BMPR2: variants seen among roughly 807,000 people sequenced by gnomAD.
The protein encoded by BMPR2 is bone morphogenetic protein receptor type 2.
Under a neutral mutation model 100.8 loss-of-function variants are expected in BMPR2, and 29 were observed. The ratio of observed to expected loss-of-function variants is 0.29; its 90% CI spans 0.21 to 0.39. The LOEUF (loss-of-function observed/expected upper bound fraction) is 0.39, where lower values mean the gene tolerates loss of function less well. BMPR2 is among the 10% of genes least tolerant of loss of function. BMPR2 has a pLI of 1.00. For missense variants in BMPR2, 1,011 were observed against 1,274.5 expected (o/e 0.79, Z 3.15); for synonymous variants, 382 against 442.3 (o/e 0.86, Z 1.71).
intron 1 of BMPR2, among the ~76,000 whole-genome samples, chr2:202,459,408 G>T (rs1316593307): frequency 6.6e-6 from 1 of 152,136 alleles, no homozygotes; most frequent in Non-Finnish European, 1.5e-5. Context: ...TGTCATGGGG[G>T]TTTGTTGTAC....
chr2:202,381,934 T>G (rs932583421), intron 1 of BMPR2, among the ~76,000 whole-genome samples: 2 of 152,110 alleles, frequency 1.3e-5, no homozygotes, highest in African/African-American at 4.8e-5. Flanking sequence ...ATGGGTAAAT[T>G]CTAACCATTA....
chr2:202,534,688 A>C (rs1223755203), intron 9 of BMPR2, among the ~76,000 whole-genome samples: 2 of 152,100 alleles, frequency 1.3e-5, no homozygotes, highest in Non-Finnish European at 2.9e-5. Context: ...CAACCATCTG[A>C]TTTCTCAATC....
chr2:202,554,394 T>G (rs1217027692), intron 11 of BMPR2, among the ~76,000 whole-genome samples: 1 of 152,190 alleles, frequency 6.6e-6, no homozygotes, highest in Non-Finnish European at 1.5e-5. Flanking sequence ...ATGCATCTTC[T>G]CATCTCCAGT....
chr2:202,559,656 G>A, intron 12 of BMPR2, 40 bp from the exon 13 acceptor site: 1 of 1,608,070 alleles, frequency 6.2e-7, no homozygotes, highest in African/African-American at 1.3e-5. Context: ...TATTTCTTAA[G>A]TTTGTTAAAT....
intron 1 of BMPR2, among the ~76,000 whole-genome samples, chr2:202,412,326 A>T (rs1691030088): frequency 6.6e-6 from 1 of 152,098 alleles, no homozygotes; most frequent in Non-Finnish European, 1.5e-5. Flanking sequence ...CTTTTGGCAG[A>T]TTCATTCTTT....
intron 12 of BMPR2, among the ~76,000 whole-genome samples, chr2:202,557,957 A>T (rs921967227): frequency 6.6e-6 from 1 of 152,172 alleles, no homozygotes; most frequent in Non-Finnish European, 1.5e-5. Context: ...TTATGTCTGC[A>T]TTTAGGTTTT....
intron 1 of BMPR2, among the ~76,000 whole-genome samples, chr2:202,459,917 A>C (rs759574291): frequency 5.3e-5 from 8 of 152,226 alleles, no homozygotes; most frequent in Admixed American, 4.6e-4. Flanking sequence ...ACAAATTTAC[A>C]AGAAGAAAGC....
chr2:202,522,618 C>T (rs1687838407), intron 7 of BMPR2, among the ~76,000 whole-genome samples: 3 of 152,032 alleles, frequency 2.0e-5, no homozygotes, highest in Admixed American at 2.0e-4. Context: ...CTGCTTGAGC[C>T]CAAGGGTTCA....
chr2:202,478,963 A>G (rs915898421), intron 3 of BMPR2, among the ~76,000 whole-genome samples: 1 of 152,080 alleles, frequency 6.6e-6, no homozygotes, highest in Admixed American at 6.6e-5. Flanking sequence ...AAAAAAATCA[A>G]AAGTGTATAT....
intron 7 of BMPR2, chr2:202,520,945 A>G (rs536916802): frequency 1.3e-5 from 2 of 155,664 alleles, no homozygotes; most frequent in East Asian, 3.4e-4. Flanking sequence ...AGAGAAGAAC[A>G]TTGACAAATA....
chr2:202,376,847 C>T lies in BMPR2; in HGVS notation c.-628C>T. 1 of 407,444 alleles carries T rather than the reference C, an allele frequency of 2.5e-6. No individual in the cohort carries two copies. The highest frequency in any genetic ancestry group is 4.2e-5 in the Admixed American group (1 of 23,926). The allele number at this position is 407,444 out of a possible 1,614,324, so 25.2% of individuals were successfully genotyped here. On this transcript the variant is annotated 5_prime_UTR_variant, in exon 1 of 13. Transcript: ENST00000374580. ...CCCTCTCACGGTTGTTCTGCGAAGG[C>T]GTGGGGACTGTGAGCTTGTCCATGG...
At chr2:202,388,507 G>A (rs538197823) in intron 1 of BMPR2, among the ~76,000 whole-genome samples, 14 of 150,744 alleles carry the variant, frequency 9.3e-5, no homozygotes, top group Admixed American at 6.0e-4. Flanking sequence ...AAGATACGCC[G>A]GGTGCAGTGG....
At chr2:202,385,004 G>A (rs1005940424) in intron 1 of BMPR2, among the ~76,000 whole-genome samples, 18 of 152,198 alleles carry the variant, frequency 1.2e-4, no homozygotes, top group African/African-American at 4.3e-4. Flanking sequence ...CTTTCATTCT[G>A]CCCCAGTAAG....
chr2:202,519,797 A>C (rs879825962), intron 6 of BMPR2, among the ~76,000 whole-genome samples: 10 of 152,204 alleles, frequency 6.6e-5, no homozygotes, highest in African/African-American at 2.4e-4. Flanking sequence ...ACACTTTTCT[A>C]TCTTAATTTG....
intron 7 of BMPR2, among the ~76,000 whole-genome samples, chr2:202,527,647 C>A (rs1324458806): frequency 6.6e-6 from 1 of 150,782 alleles, no homozygotes; most frequent in East Asian, 1.9e-4. Flanking sequence ...ATTAGCCGGG[C>A]GCGGTGGCGG....
intron 3 of BMPR2, among the ~76,000 whole-genome samples, chr2:202,476,662 G>A (rs1229175508): frequency 2.6e-5 from 4 of 152,064 alleles, no homozygotes; most frequent in Non-Finnish European, 5.9e-5. Flanking sequence ...GGTGGCATGC[G>A]CCTGTAATCC....
At chr2:202,539,318 A>G (rs2106028254) in intron 9 of BMPR2, among the ~76,000 whole-genome samples, 1 of 152,318 alleles carries the variant, frequency 6.6e-6, no homozygotes, top group East Asian at 1.9e-4. Context: ...TGGTATTTTT[A>G]GAAGAGTTTC....
Position 202,538,109 on chromosome 2 carries a change from G to A in BMPR2, c.1277-4202G>A, listed in dbSNP as rs540762662. Among the ~76,000 whole-genome samples, 64 of 151,894 alleles carry A rather than the reference G, an allele frequency of 4.2e-4. No homozygotes were observed. In the South Asian group the frequency reaches 7.7e-3, roughly 18 times the overall value. On this transcript the variant is annotated intron_variant, in intron 9 of 12. Transcript: ENST00000374580. ...TGCACTCCAGCCTGGGTGACAGAAC[G>A]AGACTCCATGTCAAAAACTAAAAAG...
In BMPR2 at chr2:202,556,388, A is replaced by G. The variant is rs1688572377; in HGVS notation, c.2723A>G (p.Asn908Ser). 1.9e-6 allele frequency: 3 copies of G among 1,614,210 alleles called. No homozygotes were observed. Among genetic ancestry groups the G allele is most frequent in the South Asian group, 1.1e-5 (1 of 91,082 alleles). ...ACTAATTCCAATAACAACAACAGCA[A>G]TCCATGTTCAGAACAAGATGTTCTT... The part of the protein sequence containing the change: ...GRTNSNNNNS[N>S]PCSEQDVLAQ... The change falls in exon 12 of 13, where the codon AAT (asparagine) becomes AGT (serine). Residue 908 changes from asparagine (N) to serine (S), a missense_variant. Coordinates refer to ENST00000374580, the MANE Select transcript of BMPR2 (RefSeq NM_001204.7).
Sources: allele counts gnomAD v4.1 joint callset (sites outside exome capture counted in the v4.1 genomes callset), GRCh38; gene constraint gnomAD v4.1.1; transcripts MANE v1.5; gene names NCBI Gene and HGNC (gene_info 2026-07-23, HGNC 2026-07-21).